The following SLC8A1 variants were observed in gnomAD, a reference collection of about 807,000 sequenced individuals.
SLC8A1 encodes sodium/calcium exchanger 1.
SLC8A1 carries 18 observed loss-of-function variants against 68.3 expected under a neutral mutation model. That is an observed-to-expected ratio of 0.26 (90% CI 0.18 to 0.39). The LOEUF is 0.39. SLC8A1 is among the 10% of genes least tolerant of loss of function. The probability of loss-of-function intolerance (pLI) is 1.00; values close to 1 mark genes in which losing one functional copy is unlikely to be tolerated. For synonymous variants in SLC8A1, 475 were observed against 415.5 expected (o/e 1.14, Z -1.74); for missense variants, 985 against 1,156.7 (o/e 0.85, Z 2.15).
chr2:40,361,067 ATAGAG>A (rs1170234279), intron 2 of SLC8A1, among the ~76,000 whole-genome samples: 4 of 152,152 alleles, frequency 2.6e-5, no homozygotes, highest in Admixed American at 2.0e-4. Context: ...GTGACATCAG[ATAGAG>A]TAGAGAAAAG....
At chr2:40,172,587 A>G (rs895906691) in intron 4 of SLC8A1, among the ~76,000 whole-genome samples, 2 of 152,138 alleles carry the variant, frequency 1.3e-5, no homozygotes, top group African/African-American at 4.8e-5. Flanking sequence ...GAAAACTAGG[A>G]TCCCATTACC....
chr2:40,323,855 G>A (rs891972872), intron 2 of SLC8A1, among the ~76,000 whole-genome samples: 1 of 152,084 alleles, frequency 6.6e-6, no homozygotes, highest in African/African-American at 2.4e-5. Context: ...TTTCACTTAT[G>A]AATAGATAGG....
At chr2:40,249,125 A>C (rs1445551055) in intron 2 of SLC8A1, among the ~76,000 whole-genome samples, 1 of 152,204 alleles carries the variant, frequency 6.6e-6, no homozygotes, top group Non-Finnish European at 1.5e-5. Context: ...CATCAAGTTC[A>C]TTGATTAAGC....
chr2:40,214,080 C>T (rs754901081), intron 2 of SLC8A1, among the ~76,000 whole-genome samples: 2 of 152,152 alleles, frequency 1.3e-5, no homozygotes, highest in Non-Finnish European at 2.9e-5. Flanking sequence ...TTGATGAGGG[C>T]TAGGAATCTG....
chr2:40,350,575 C>T (rs1186031354), intron 2 of SLC8A1, among the ~76,000 whole-genome samples: 7 of 118,360 alleles, frequency 5.9e-5, no homozygotes, highest in African/African-American at 2.3e-4. Context: ...ACTTCTCACG[C>T]ACCCAGACAA....
chr2:40,225,326 T>G (rs1208637566), intron 2 of SLC8A1, among the ~76,000 whole-genome samples: 1 of 152,166 alleles, frequency 6.6e-6, no homozygotes, highest in East Asian at 1.9e-4. Context: ...CAAATTTAAT[T>G]TGAATATTCA....
intron 2 of SLC8A1, among the ~76,000 whole-genome samples, chr2:40,378,046 ACC>A (rs1462996132): frequency 6.6e-6 from 1 of 152,146 alleles, no homozygotes; most frequent in Admixed American, 6.6e-5. Flanking sequence ...TGTATTAATA[ACC>A]TGCTGTATGC....
intron 2 of SLC8A1, among the ~76,000 whole-genome samples, chr2:40,402,316 C>G (rs746122421): frequency 6.6e-6 from 1 of 152,212 alleles, no homozygotes; most frequent in African/African-American, 2.4e-5. Context: ...GGAGAACCCT[C>G]AGTTCCAAGA....
chr2:40,318,768 G>C (rs1220206156), intron 2 of SLC8A1, among the ~76,000 whole-genome samples: 1 of 152,040 alleles, frequency 6.6e-6, no homozygotes, highest in Non-Finnish European at 1.5e-5. Context: ...TTAGGACTCC[G>C]GAAGTTACAC....
chr2:40,225,871 T>A (rs1558838005), intron 2 of SLC8A1, among the ~76,000 whole-genome samples: 1 of 152,292 alleles, frequency 6.6e-6, no homozygotes, highest in East Asian at 1.9e-4. Flanking sequence ...CAGACAAGTA[T>A]GTTTATCACT....
At chr2:40,462,274 T>C (rs1703396018) in intron 1 of SLC8A1, among the ~76,000 whole-genome samples, 1 of 152,004 alleles carries the variant, frequency 6.6e-6, no homozygotes. Flanking sequence ...CCCAAAATGC[T>C]AGTATTACAG....
At chr2:40,457,269 C>G (rs1703077540) in intron 1 of SLC8A1, among the ~76,000 whole-genome samples, 1 of 152,128 alleles carries the variant, frequency 6.6e-6, no homozygotes. Flanking sequence ...AAGATAAGCT[C>G]CCTGGGGTGC....
intron 1 of SLC8A1, among the ~76,000 whole-genome samples, chr2:40,481,712 TAA>T (rs1226645240): frequency 6.6e-6 from 1 of 152,210 alleles, no homozygotes; most frequent in East Asian, 1.9e-4. Context: ...TAATGATTTC[TAA>T]GTCTTAACTC....
At chr2:40,154,274 A>G (rs1178330782) in intron 6 of SLC8A1, among the ~76,000 whole-genome samples, 2 of 151,070 alleles carry the variant, frequency 1.3e-5, no homozygotes, top group Non-Finnish European at 2.9e-5. Context: ...AGTGGGCCAC[A>G]ATTTTTAATT....
intron 2 of SLC8A1, among the ~76,000 whole-genome samples, chr2:40,373,061 C>T (rs1270985155): frequency 6.6e-6 from 1 of 151,800 alleles, no homozygotes; most frequent in Non-Finnish European, 1.5e-5. Context: ...TATGTCCTAG[C>T]CATAAATTGA....
intron 2 of SLC8A1, among the ~76,000 whole-genome samples, chr2:40,309,561 C>T (rs2073304429): frequency 7.1e-6 from 1 of 141,488 alleles, no homozygotes; most frequent in African/African-American, 2.6e-5. Context: ...GGCTGGAGTG[C>T]AATGGTGCAA....
chr2:40,471,620 A>C (rs888056953), intron 1 of SLC8A1, among the ~76,000 whole-genome samples: 7 of 152,160 alleles, frequency 4.6e-5, no homozygotes, highest in Admixed American at 1.3e-4. Context: ...TAGAGGAAGC[A>C]CACCCCTCAT....
intron 2 of SLC8A1, among the ~76,000 whole-genome samples, chr2:40,355,647 G>A (rs1054285634): frequency 3.4e-4 from 51 of 152,060 alleles, no homozygotes; most frequent in Non-Finnish European, 4.4e-5. Context: ...GGTTTACCCT[G>A]AGGCCAGGTC....
intron 2 of SLC8A1, among the ~76,000 whole-genome samples, chr2:40,392,002 A>G (rs1685412255): frequency 6.6e-6 from 1 of 152,066 alleles, no homozygotes; most frequent in Non-Finnish European, 1.5e-5. Flanking sequence ...CCTTAAGTGG[A>G]AACAGCAAAA....
Sources: gnomAD v4.1 joint callset for allele counts (sites outside exome capture counted in the v4.1 genomes callset) on GRCh38, gnomAD v4.1.1 for gene constraint, MANE v1.5 for transcripts, NCBI Gene and HGNC (gene_info 2026-07-23, HGNC 2026-07-21) for gene names.